WDR7: variants seen among roughly 807,000 people sequenced by gnomAD.
The protein encoded by WDR7 is WD repeat-containing protein 7.
Under a neutral mutation model 169.4 loss-of-function variants are expected in WDR7, and 46 were observed. The ratio of observed to expected loss-of-function variants is 0.27; its 90% CI spans 0.21 to 0.35. The LOEUF is 0.35. Ranked by LOEUF, WDR7 falls within the 10% of genes least tolerant of loss-of-function variation. The probability of loss-of-function intolerance (pLI) is 1.00; values close to 1 mark genes in which losing one functional copy is unlikely to be tolerated. For missense variants in WDR7, 1,534 were observed against 1,859.3 expected, an observed-to-expected ratio of 0.83 and a Z score of 3.22; for synonymous variants, 612 against 666.8, an observed-to-expected ratio of 0.92 and a Z score of 1.27.
rs1180008676 is a variant in WDR7, at chr18:57,022,003, A to G, written c.4269+1154A>G. Among the ~76,000 whole-genome samples the G allele has an allele frequency of 2.0e-5, 3 of 152,230 alleles. No homozygotes were observed. The East Asian group carries it at 5.8e-4, about 29-fold the overall frequency. On this transcript the variant is annotated intron_variant, in intron 27 of 27. Coordinates refer to ENST00000254442, the MANE Select transcript of WDR7 (RefSeq NM_015285.3). The stretch of plus-strand genomic sequence containing the variant: ...CTACTTTTATCTAATTTAGTTTTCC[A>G]GTTTATTTTCTCATTAGCCTTTCTT...
intron 26 of WDR7, among the ~76,000 whole-genome samples, chr18:57,010,952 T>C (rs2145915388): frequency 6.6e-6 from 1 of 152,338 alleles, no homozygotes; most frequent in East Asian, 1.9e-4. Context: ...TTTTTAAGTT[T>C]GGTAAGCAAC....
rs549875409 is a variant in WDR7, at chr18:56,700,503, C to T, written c.1578+4041C>T. On this transcript the variant is annotated intron_variant, in intron 12 of 27. Coordinates refer to ENST00000254442, the MANE Select transcript of WDR7 (RefSeq NM_015285.3). ...ATCTCTCGACCTCGTGATCCACCCA[C>T]CTCGGCCTCTCAAAGTGCTGGGATT... is the stretch of plus-strand genomic sequence containing the variant. Among the ~76,000 whole-genome samples, 26 of 151,116 alleles carry T rather than the reference C, an allele frequency of 1.7e-4. No individual in the cohort carries two copies. The East Asian group carries it at 4.9e-3, about 28-fold the overall frequency.
At chr18:56,990,383 C>T (rs755459633) in intron 26 of WDR7, among the ~76,000 whole-genome samples, 25 of 152,190 alleles carry the variant, frequency 1.6e-4, no homozygotes, top group Non-Finnish European at 3.4e-4. Flanking sequence ...TCTCCAGAGC[C>T]TAGTGAGAGC....
At chr18:56,920,776 G>A (rs1050093668) in intron 21 of WDR7, among the ~76,000 whole-genome samples, 9 of 152,296 alleles carry the variant, frequency 5.9e-5, no homozygotes, top group African/African-American at 2.2e-4. Context: ...AATACCAACT[G>A]TTTAAGAAAA....
chr18:56,987,475 T>G (rs2047741322), intron 26 of WDR7, among the ~76,000 whole-genome samples: 1 of 152,100 alleles, frequency 6.6e-6, no homozygotes, highest in African/African-American at 2.4e-5. Flanking sequence ...ATCTTGATAA[T>G]GGACTGAGAT....
At chr18:56,714,038 C>T (rs913633045) in intron 12 of WDR7, among the ~76,000 whole-genome samples, 3 of 152,050 alleles carry the variant, frequency 2.0e-5, no homozygotes, top group South Asian at 2.1e-4. Flanking sequence ...ATAAGCTAGA[C>T]ATTTGCTTTG....
intron 14 of WDR7, among the ~76,000 whole-genome samples, chr18:56,733,404 G>A (rs2026629594): frequency 6.6e-6 from 1 of 152,112 alleles, no homozygotes; most frequent in African/African-American, 2.4e-5. Context: ...AACCTCAGGA[G>A]AAATAAACCC....
chr18:56,715,560 G>A (rs1231534607), intron 12 of WDR7, among the ~76,000 whole-genome samples: 10 of 152,210 alleles, frequency 6.6e-5, no homozygotes, highest in African/African-American at 2.2e-4. Flanking sequence ...GTGGCCAGGC[G>A]CGGTGGTTCA....
intron 19 of WDR7, among the ~76,000 whole-genome samples, chr18:56,809,978 C>T (rs1470454530): frequency 6.6e-6 from 1 of 152,096 alleles, no homozygotes; most frequent in Non-Finnish European, 1.5e-5. Context: ...CCACTGATTT[C>T]ATTTTTGTTT....
chr18:56,673,737 A>C (rs1377405533), intron 2 of WDR7, among the ~76,000 whole-genome samples: 1 of 152,010 alleles, frequency 6.6e-6, no homozygotes, highest in East Asian at 1.9e-4. Flanking sequence ...CCAGAGGCTG[A>C]GGTGGAAAAA....
intron 21 of WDR7, among the ~76,000 whole-genome samples, chr18:56,892,636 G>A (rs750236004): frequency 5.9e-5 from 9 of 151,990 alleles, no homozygotes; most frequent in East Asian, 1.9e-4. Flanking sequence ...TATAGAAATC[G>A]TATGGCCTGC....
At chr18:56,675,667 T>A (rs1219424189) in intron 2 of WDR7, among the ~76,000 whole-genome samples, 1 of 151,826 alleles carries the variant, frequency 6.6e-6, no homozygotes, top group Non-Finnish European at 1.5e-5. Flanking sequence ...AGTTCTACTT[T>A]TTGCTTTCTA....
At chr18:56,938,808 A>ATGTGT (rs1555714417) in intron 24 of WDR7, 126 bp downstream of exon 24, 5 of 661,744 alleles carry the variant, frequency 7.6e-6, no homozygotes, top group Non-Finnish European at 1.2e-5. Context: ...AGAAAGAATG[A>ATGTGT]GTGTGTGTGT....
intron 14 of WDR7, among the ~76,000 whole-genome samples, chr18:56,748,287 A>G (rs1224402964): frequency 6.6e-6 from 1 of 152,178 alleles, no homozygotes; most frequent in African/African-American, 2.4e-5. Flanking sequence ...AAAGGTCTGT[A>G]CAATGGAGGA....
chr18:56,719,107 T>A (rs533300939), intron 13 of WDR7, among the ~76,000 whole-genome samples: 1 of 152,346 alleles, frequency 6.6e-6, no homozygotes, highest in Admixed American at 6.5e-5. Context: ...AACCTTTCTT[T>A]CTCTTGTCTC....
In WDR7 at chr18:56,734,310, G is replaced by T. The variant is rs73958309; in HGVS notation, c.1989+2713G>T. ...GACTGTAGACCATGATAACTCATTT[G>T]TGACAGATTGACATTTTGGGATGGG... is the stretch of plus-strand genomic sequence containing the variant. On this transcript the variant is annotated intron_variant, in intron 14 of 27. Coordinates refer to ENST00000254442, the MANE Select transcript of WDR7 (RefSeq NM_015285.3). Among the ~76,000 whole-genome samples, 130 of 152,024 alleles carry T rather than the reference G, an allele frequency of 8.6e-4. 2 individuals are homozygous for T. The highest frequency in any genetic ancestry group is 3.0e-3 in the African/African-American group (123 of 41,450).
intron 26 of WDR7, among the ~76,000 whole-genome samples, chr18:56,975,413 C>G (rs983848713): frequency 2.0e-5 from 3 of 151,834 alleles, no homozygotes. Context: ...ATGCCTGAAG[C>G]AAAGGTTGCA....
intron 7 of WDR7, among the ~76,000 whole-genome samples, chr18:56,688,735 A>G (rs1370288261): frequency 6.6e-6 from 1 of 151,878 alleles, no homozygotes; most frequent in Non-Finnish European, 1.5e-5. Context: ...TCTTGGGGAA[A>G]AAAAAAAAGG....
chr18:57,002,774 G>C (rs1205911093), intron 26 of WDR7, among the ~76,000 whole-genome samples: 1 of 152,098 alleles, frequency 6.6e-6, no homozygotes, highest in African/African-American at 2.4e-5. Flanking sequence ...ATTTGCCCAG[G>C]AAGTAAAAGC....
Sources: gnomAD v4.1 joint callset for allele counts (sites outside exome capture counted in the v4.1 genomes callset) on GRCh38, gnomAD v4.1.1 for gene constraint, MANE v1.5 for transcripts, NCBI Gene and HGNC (gene_info 2026-07-23, HGNC 2026-07-21) for gene names.